The following TENM4 variants were observed in gnomAD, a reference collection of about 807,000 sequenced individuals.
The protein encoded by TENM4 is teneurin-4.
A neutral mutation model predicts 243.3 loss-of-function variants in TENM4; 82 were observed. The ratio of observed to expected loss-of-function variants is 0.34; its 90% CI spans 0.28 to 0.40. The LOEUF (loss-of-function observed/expected upper bound fraction) is 0.40. TENM4 is among the 10% of genes least tolerant of loss of function. The pLI, the probability that TENM4 is intolerant of heterozygous loss-of-function variation, is 1.00. For missense variants in TENM4, 3,138 were observed against 3,673.3 expected (o/e 0.85, Z 3.77); for synonymous variants, 1,412 against 1,456.3 (o/e 0.97, Z 0.69).
intron 4 of TENM4, among the ~76,000 whole-genome samples, chr11:79,084,450 G>A (rs1860755638): frequency 1.3e-5 from 2 of 152,146 alleles, no homozygotes; most frequent in Admixed American, 6.5e-5. Context: ...CATAATAGCC[G>A]AGAAATGGAA....
chr11:78,726,070 T>A lies in TENM4; in HGVS notation c.3550+9A>T, dbSNP rs756756129. 8 of 1,613,674 alleles carry A rather than the reference T, an allele frequency of 5.0e-6. No homozygotes were observed. The highest frequency in any genetic ancestry group is 4.0e-5 in the African/African-American group (3 of 74,936). ...AGCCTGGTTCAAGTAATTCTATTAA[T>A]CCACTTACCACTTTGAATGTTGAGG... On this transcript the variant is annotated intron_variant, in intron 23 of 33. Coordinates refer to ENST00000278550, the MANE Select transcript of TENM4 (RefSeq NM_001098816.3).
In TENM4 at chr11:78,903,279, G is replaced by A. The variant is rs189404738; in HGVS notation, c.738C>T (p.Pro246=). 241 of 1,491,954 alleles carry A rather than the reference G, an allele frequency of 1.6e-4. 2 individuals are homozygous for A. The East Asian group carries it at 5.7e-3, about 35-fold the overall frequency. The allele number at this position is 1,491,954 out of a possible 1,614,324, so 92.4% of individuals were successfully genotyped here. Residue 246 remains proline, a synonymous_variant, in exon 7 of 34, where the codon CCC becomes CCT. Coordinates refer to ENST00000278550, the MANE Select transcript of TENM4 (RefSeq NM_001098816.3). ...QENWLLNSNI[P]LETRNLGKQP... is the part of the protein sequence containing the mutation. ...TACCGGCCGCGCACCTGGTCTCCAG[G>A]GGGATGTTGCTGTTGAGCAGCCAGT...
chr11:79,271,769 G>C (rs534456355), intron 2 of TENM4, among the ~76,000 whole-genome samples: 1 of 152,330 alleles, frequency 6.6e-6, no homozygotes, highest in African/African-American at 2.4e-5. Flanking sequence ...TAGAGGAAGT[G>C]GTGGCCTCTG....
chr11:79,409,397 G>A (rs1858651006), intron 1 of TENM4, among the ~76,000 whole-genome samples: 1 of 152,108 alleles, frequency 6.6e-6, no homozygotes, highest in African/African-American at 2.4e-5. Flanking sequence ...CTATTCACAG[G>A]TTCATAAGAG....
At chr11:78,690,370 G>C (rs918486647) in intron 28 of TENM4, among the ~76,000 whole-genome samples, 2 of 152,168 alleles carry the variant, frequency 1.3e-5, no homozygotes, top group African/African-American at 4.8e-5. Context: ...AATTTGAATA[G>C]GAAGGAAACA....
intron 1 of TENM4, among the ~76,000 whole-genome samples, chr11:79,351,539 C>G (rs1211996496): frequency 6.6e-6 from 1 of 152,032 alleles, no homozygotes; most frequent in Non-Finnish European, 1.5e-5. Context: ...AACCTCATCT[C>G]TACTAAAAAT....
At chr11:78,969,199 C>A (rs972668228) in intron 6 of TENM4, among the ~76,000 whole-genome samples, 12 of 152,232 alleles carry the variant, frequency 7.9e-5, no homozygotes, top group Non-Finnish European at 1.8e-4. Flanking sequence ...GGGAAAGAAG[C>A]AATGACAGAT....
chr11:79,079,831 C>CAA (rs34296723), intron 4 of TENM4, among the ~76,000 whole-genome samples: 41,652 of 114,200 alleles, frequency 0.36, 6,805 homozygotes, highest in Middle Eastern at 0.56. Flanking sequence ...CACTTTGTTT[C>CAA]AAAAAAAAAA....
At chr11:78,975,906 C>T (rs979766838) in intron 6 of TENM4, among the ~76,000 whole-genome samples, 2 of 151,910 alleles carry the variant, frequency 1.3e-5, no homozygotes, top group Admixed American at 6.6e-5. Context: ...CCCTCATGCC[C>T]CTTGAAAGTG....
At chr11:79,423,977 G>C in intron 1 of TENM4, among the ~76,000 whole-genome samples, 1 of 152,066 alleles carries the variant, frequency 6.6e-6, no homozygotes, top group Non-Finnish European at 1.5e-5. Context: ...TGTCTACTTT[G>C]TGCCAGGCTC....
At chr11:79,155,936 C>A (rs146644727) in intron 3 of TENM4, among the ~76,000 whole-genome samples, 1 of 152,040 alleles carries the variant, frequency 6.6e-6, no homozygotes, top group Non-Finnish European at 1.5e-5. Flanking sequence ...ACCCTTCCCA[C>A]CTGCCAGCCA....
intron 6 of TENM4, among the ~76,000 whole-genome samples, chr11:78,950,117 G>A (rs1358523920): frequency 6.6e-6 from 1 of 152,148 alleles, no homozygotes; most frequent in Non-Finnish European, 1.5e-5. Context: ...CCTGCCCATT[G>A]TCCAGGCCTT....
intron 1 of TENM4, among the ~76,000 whole-genome samples, chr11:79,374,250 A>G (rs1210681226): frequency 1.3e-5 from 2 of 152,108 alleles, no homozygotes; most frequent in Non-Finnish European, 2.9e-5. Context: ...TTAATACATA[A>G]TTAATAGCAA....
chr11:79,419,031 T>G (rs1858876455), intron 1 of TENM4, among the ~76,000 whole-genome samples: 1 of 152,206 alleles, frequency 6.6e-6, no homozygotes, highest in Admixed American at 6.5e-5. Context: ...CATTGGATTG[T>G]TTATATTCCA....
At chr11:78,703,895 G>A (rs962858314) in intron 27 of TENM4, among the ~76,000 whole-genome samples, 1 of 150,706 alleles carries the variant, frequency 6.6e-6, no homozygotes, top group Non-Finnish European at 1.5e-5. Context: ...TCTGTCACCC[G>A]GGCTGGAGTG....
chr11:78,687,711 T>C (rs1407389178), intron 29 of TENM4, among the ~76,000 whole-genome samples: 1 of 152,168 alleles, frequency 6.6e-6, no homozygotes, highest in Non-Finnish European at 1.5e-5. Context: ...TGCGTAATTA[T>C]TTTTGTCCTT....
chr11:78,677,551 G>T (rs1428624709), intron 29 of TENM4, among the ~76,000 whole-genome samples: 1 of 151,774 alleles, frequency 6.6e-6, no homozygotes, highest in Non-Finnish European at 1.5e-5. Context: ...CACCATACCT[G>T]GCAGGTTGAA....
At chr11:78,732,008 G>A (rs1855678147) in intron 21 of TENM4, among the ~76,000 whole-genome samples, 1 of 152,192 alleles carries the variant, frequency 6.6e-6, no homozygotes, top group Non-Finnish European at 1.5e-5. Flanking sequence ...CAGGAGGCTG[G>A]GGAAAAGGAA....
chr11:79,240,845 A>G (rs1376645208), intron 2 of TENM4, among the ~76,000 whole-genome samples: 30 of 152,022 alleles, frequency 2.0e-4, no homozygotes, highest in Non-Finnish European at 4.4e-5. Flanking sequence ...AGTTTGACTA[A>G]TTTTCATTTT....
Sources: allele counts gnomAD v4.1 joint callset (sites outside exome capture counted in the v4.1 genomes callset), GRCh38; gene constraint gnomAD v4.1.1; transcripts MANE v1.5; gene names NCBI Gene and HGNC (gene_info 2026-07-23, HGNC 2026-07-21).